MARS1: variants seen among roughly 807,000 people sequenced by gnomAD.
The protein encoded by MARS1 is methionine--tRNA ligase, cytoplasmic.
A neutral mutation model predicts 119.5 loss-of-function variants in MARS1; 80 were observed. The observed-to-expected ratio is 0.67, with a 90% CI of 0.56 to 0.81. The LOEUF is 0.81. MARS1 is among the 30% of genes least tolerant of loss of function. MARS1 has a pLI of 0.00. For synonymous variants in MARS1, 418 were observed against 433.4 expected (o/e 0.96, Z 0.44); for missense variants, 945 against 1,116.5 (o/e 0.85, Z 2.19).
chr12:57,490,635 A>G lies in MARS1; in HGVS notation c.761A>G (p.Gln254Arg), dbSNP rs752278309. 6.2e-7 allele frequency: 1 copy of G among 1,614,128 alleles called. No homozygotes were observed. Among genetic ancestry groups the G allele is most frequent in the Non-Finnish European group, 8.5e-7 (1 of 1,180,012 alleles). The change falls in exon 7 of 21, where the codon CAG (glutamine) becomes CGG (arginine). Residue 254 changes from glutamine (Q) to arginine (R), a missense_variant. By Grantham distance (43) the Gln-to-Arg change is conservative (BLOSUM62 1). Coordinates refer to ENST00000262027, the MANE Select transcript of MARS1 (RefSeq NM_004990.4). ...LESLPPLRPQ[Q>R]NPVLPVAGER... The stretch of plus-strand genomic sequence containing the variant: ...AGTTTGCCCCCGCTGCGGCCCCAGC[A>G]GAATCCAGTGTGAGTAGACATGGCA...
intron 4 of MARS1, 89 bp from the exon 5 acceptor site, chr12:57,489,807 T>C: frequency 2.4e-6 from 3 of 1,248,892 alleles, no homozygotes; most frequent in Non-Finnish European, 3.5e-6. Flanking sequence ...GCTTGACATA[T>C]AAAGTGCTCA....
chr12:57,493,761 ATATATTATATATAATATATATTATATAT>A (rs1876333222), intron 7 of MARS1, among the ~76,000 whole-genome samples: 1 of 956 alleles, frequency 1.0e-3, no homozygotes, highest in African/African-American at 1.7e-3. Context: ...ATTATATTAT[ATATATTATATATAATATATATTATATAT>A]TATATATTAT....
intron 11 of MARS1, among the ~76,000 whole-genome samples, chr12:57,509,135 G>C (rs2140030704): frequency 6.6e-6 from 1 of 151,190 alleles, no homozygotes; most frequent in South Asian, 2.1e-4. Context: ...TGTTCAAATT[G>C]TTACTTATTT....
At position 57,498,232 on chromosome 12, in the gene MARS1, G is replaced by A; in HGVS notation, c.846G>A (p.Gly282=). ...ACGTCAACAATGTCCCCCACCTTGG[G>A]AACATCATTGGTTGTGTGCTCAGTG... is the stretch of plus-strand genomic sequence containing the variant. ...LPYVNNVPHL[G]NIIGCVLSAD... is the part of the protein sequence containing the mutation. The change falls in exon 8 of 21, where the codon GGG becomes GGA. Residue 282 remains glycine, a synonymous_variant. Transcript: ENST00000262027. 1 of 1,614,170 alleles carries A rather than the reference G, an allele frequency of 6.2e-7. No individual in the cohort carries two copies. The highest frequency in any genetic ancestry group is 8.5e-7 in the Non-Finnish European group (1 of 1,180,040).
intron 11 of MARS1, among the ~76,000 whole-genome samples, chr12:57,507,578 C>A (rs1231613007): frequency 7.0e-6 from 1 of 142,990 alleles, no homozygotes; most frequent in Non-Finnish European, 1.5e-5. Context: ...GCGCCCCTCA[C>A]CTCCCGGACG....
In MARS1 at chr12:57,495,219, C is replaced by T. The variant is rs969956366; in HGVS notation, c.771-2938C>T. ...GGGGCGGCTGGCCAGGCGGGCGCTG[C>T]CCCCCACCTTCCTCCCGGACGGGGC... On this transcript the variant is annotated intron_variant, in intron 7 of 20. Coordinates refer to ENST00000262027, the MANE Select transcript of MARS1 (RefSeq NM_004990.4). 8.6e-5 allele frequency among the ~76,000 whole-genome samples: 13 copies of T among 151,108 alleles called. No homozygotes were observed. In the East Asian group the frequency reaches 9.8e-4, roughly 11 times the overall value.
chr12:57,498,393 C>T (rs1876746953), intron 8 of MARS1, 27 bp from the exon 9 acceptor site: 1 of 1,610,514 alleles, frequency 6.2e-7, no homozygotes. Context: ...AGCGGGGCCC[C>T]CTAGCGATCA....
At chr12:57,496,402 A>G (rs1876636355) in intron 7 of MARS1, among the ~76,000 whole-genome samples, 1 of 151,404 alleles carries the variant, frequency 6.6e-6, no homozygotes, top group Non-Finnish European at 1.5e-5. Flanking sequence ...CGACCTCGTG[A>G]TCCGCCTGCC....
intron 11 of MARS1, among the ~76,000 whole-genome samples, chr12:57,510,621 A>T (rs867200728): frequency 3.6e-4 from 53 of 147,592 alleles, no homozygotes; most frequent in Middle Eastern, 3.7e-3. Context: ...AAAAAAGAAA[A>T]TTTTTTTTTT....
intron 15 of MARS1, 67 bp from the exon 16 acceptor site, chr12:57,514,653 C>T (rs1877686481): frequency 7.5e-6 from 12 of 1,597,694 alleles, no homozygotes; most frequent in African/African-American, 1.3e-5. Flanking sequence ...GGGTGAAATT[C>T]TAACAAGGAG....
intron 7 of MARS1, among the ~76,000 whole-genome samples, chr12:57,491,291 C>T (rs1267475456): frequency 6.6e-6 from 1 of 152,150 alleles, no homozygotes; most frequent in Non-Finnish European, 1.5e-5. Flanking sequence ...ACTCCTTCAC[C>T]TCTACAGGCA....
At chr12:57,493,519 T>A (rs866549962) in intron 7 of MARS1, among the ~76,000 whole-genome samples, 2 of 9,638 alleles carry the variant, frequency 2.1e-4, no homozygotes, top group South Asian at 6.0e-3. Context: ...ATATAATATA[T>A]AATATATTAT....
In MARS1 at chr12:57,514,732, T is replaced by C; in HGVS notation, c.1980T>C (p.Phe660=). 6.2e-7 allele frequency: 1 copy of C among 1,614,148 alleles called. No homozygotes were observed. The highest frequency in any genetic ancestry group is 1.3e-5 in the African/African-American group (1 of 75,058). Residue 660 remains phenylalanine, a synonymous_variant, in exon 16 of 21, where the codon TTT becomes TTC. Coordinates refer to ENST00000262027, the MANE Select transcript of MARS1 (RefSeq NM_004990.4). ...ACTCCCAACCAAGAGCTGGGATGTTTGTGTCTAAGTTCTTTGGGGGCTATG... is the reference window on the plus strand; with the variant it reads ...ACTCCCAACCAAGAGCTGGGATGTTCGTGTCTAAGTTCTTTGGGGGCTATG... ...LGNFINRAGM[F]VSKFFGGYVP...
intron 1 of MARS1, 24 bp from the exon 2 acceptor site, chr12:57,488,995 A>G (rs180796158): frequency 6.6e-7 from 1 of 1,515,950 alleles, no homozygotes; most frequent in African/African-American, 1.4e-5. Context: ...TTTTTTTTTA[A>G]CCCATTTTCC....
chr12:57,489,048 A>G lies in MARS1; in HGVS notation c.139A>G (p.Lys47Glu), dbSNP rs1158856387. Reference protein sequence around the residue: ...DCVVPFLTRPKVPVLQLDSGN... With the variant: ...DCVVPFLTRPEVPVLQLDSGN... ...TGTGGTCCCGTTCCTGACCCGGCCTAAGGTCCCTGTCTTGCAGCTGGATAG... is the reference window on the plus strand; with the variant it reads ...TGTGGTCCCGTTCCTGACCCGGCCTGAGGTCCCTGTCTTGCAGCTGGATAG... The change falls in exon 2 of 21, where the codon AAG becomes GAG. Residue 47 changes from lysine to glutamate, a missense_variant. Transcript: ENST00000262027. 6.2e-7 allele frequency: 1 copy of G among 1,613,212 alleles called. No homozygotes were observed. Among genetic ancestry groups the G allele is most frequent in the Non-Finnish European group, 8.5e-7 (1 of 1,179,854 alleles).
chr12:57,503,609 A>T (rs1417642992), intron 10 of MARS1, among the ~76,000 whole-genome samples: 1 of 149,356 alleles, frequency 6.7e-6, no homozygotes, highest in Non-Finnish European at 1.5e-5. Context: ...CGGTGGCATG[A>T]TCTTGGCTCA....
rs761648454 is a variant in MARS1, at chr12:57,490,202, C to A, written c.491-5C>A. On this transcript the variant is annotated splice_region_variant and splice_polypyrimidine_tract_variant and intron_variant, in intron 5 of 20. Coordinates refer to ENST00000262027, the MANE Select transcript of MARS1 (RefSeq NM_004990.4). ...TGCTGATTTTCTTTTCTTCCATACCCACAGAGGAGCTGAGTGCCCTGCACA... is the reference window on the plus strand; with the variant it reads ...TGCTGATTTTCTTTTCTTCCATACCAACAGAGGAGCTGAGTGCCCTGCACA... 6.8e-6 allele frequency: 11 copies of A among 1,610,270 alleles called. No individual in the cohort carries two copies. The Admixed American group carries it at 1.7e-4, about 25-fold the overall frequency.
rs765794198 is a variant in MARS1, at chr12:57,516,629, A to T, written c.*48A>T. 6.1e-5 allele frequency: 93 copies of T among 1,535,426 alleles called. No homozygotes were observed. Among genetic ancestry groups the T allele is most frequent in the Non-Finnish European group, 7.2e-5 (83 of 1,146,510 alleles). ...CACTTTAATAGATAGGGACAGTAAT[A>T]AATAAATGTACAATCTCTATATACA... On this transcript the variant is annotated 3_prime_UTR_variant, in exon 21 of 21. Transcript: ENST00000262027.
chr12:57,493,382 T>C (rs796999176), intron 7 of MARS1, among the ~76,000 whole-genome samples: 15 of 45,544 alleles, frequency 3.3e-4, no homozygotes, highest in Admixed American at 8.3e-4. Flanking sequence ...ATATATTATA[T>C]AATATATTAT....
Sources: allele counts gnomAD v4.1 joint callset (sites outside exome capture counted in the v4.1 genomes callset), GRCh38; gene constraint gnomAD v4.1.1; transcripts MANE v1.5; gene names NCBI Gene and HGNC (gene_info 2026-07-23, HGNC 2026-07-21).